Variants in ABCA4 observed in about 807,000 individuals in gnomAD.
ABCA4 encodes ATP binding cassette subfamily A member 4, also known as retinal-specific phospholipid-transporting ATPase ABCA4.
In ABCA4, 196 loss-of-function variants were observed where a neutral mutation model predicts 263.7. The observed-to-expected ratio is 0.74, with a 90% confidence interval of 0.66 to 0.84. The LOEUF is 0.84. Among genes scored for constraint, ABCA4 ranks in the 40% least tolerant of loss-of-function variants. The pLI, the probability that ABCA4 is intolerant of heterozygous loss-of-function variation, is 0.00. For missense variants in ABCA4, 2,792 were observed against 2,855.1 expected (o/e 0.98, Z 0.50); for synonymous variants, 1,133 against 1,094.2 (o/e 1.04, Z -0.70).
rs761988699 is a variant in ABCA4, at chr1:94,015,732, G to A, written c.5312+7C>T. The A allele has an allele frequency of 7.5e-6, 12 of 1,604,818 alleles. No homozygotes were observed. The highest frequency in any genetic ancestry group is 2.2e-5 in the South Asian group (2 of 90,618). The stretch of plus-strand genomic sequence containing the variant: ...AGAGGCATTAGCTAATGGCCCAAAC[G>A]GCTTACCCATACAGCAGGAGCAGTG... On this transcript the variant is annotated splice_region_variant and intron_variant, in intron 37 of 49. Coordinates refer to ENST00000370225, the MANE Select transcript of ABCA4 (RefSeq NM_000350.3).
chr1:94,001,780 G>T lies in ABCA4; in HGVS notation c.6282+78C>A. ...AACTGCTGCAGTTTCTAAATCTGCC[G>T]ACCCAGAACCTATTTCCCCAACCCA... is the stretch of plus-strand genomic sequence containing the variant. On this transcript the variant is annotated intron_variant, in intron 45 of 49. Coordinates refer to ENST00000370225, the MANE Select transcript of ABCA4 (RefSeq NM_000350.3). The T allele has an allele frequency of 1.9e-6, 3 of 1,606,358 alleles. No individual in the cohort carries two copies. In the South Asian group the frequency reaches 3.3e-5, roughly 18 times the overall value.
chr1:94,051,977 TAAATC>T (rs1459484854), intron 16 of ABCA4, among the ~76,000 whole-genome samples: 1 of 152,198 alleles, frequency 6.6e-6, no homozygotes, highest in Non-Finnish European at 1.5e-5. Flanking sequence ...ATGAGAGAAT[TAAATC>T]AAGTCCTTTT....
In ABCA4 at chr1:94,027,444, C is replaced by T. The variant is rs1457937638; in HGVS notation, c.4539+2001G>A. ...TTTTGAGTGGAGGCAGCCACAGGAGCCCTCAGCATTGACAGCAAAGCAAAC... is the reference window on the plus strand; with the variant it reads ...TTTTGAGTGGAGGCAGCCACAGGAGTCCTCAGCATTGACAGCAAAGCAAAC... On this transcript the variant is annotated intron_variant, in intron 30 of 49. Transcript: ENST00000370225. Among the ~76,000 whole-genome samples the T allele has an allele frequency of 2.0e-5, 3 of 152,140 alleles. No individual in the cohort carries two copies. The highest frequency in any genetic ancestry group is 4.4e-5 in the Non-Finnish European group (3 of 68,020).
chr1:94,073,970 G>C (rs903992443), intron 11 of ABCA4, among the ~76,000 whole-genome samples: 1 of 152,168 alleles, frequency 6.6e-6, no homozygotes, highest in Admixed American at 6.5e-5. Context: ...TGGTGGGCCT[G>C]GCTGGGAATA....
intron 49 of ABCA4, among the ~76,000 whole-genome samples, chr1:93,995,598 A>G (rs1211590438): frequency 1.3e-5 from 2 of 152,214 alleles, no homozygotes; most frequent in African/African-American, 2.4e-5. Flanking sequence ...TGTAATTTTT[A>G]TAAAGAACAA....
Position 94,011,386 on chromosome 1 carries a change from C to A in ABCA4, c.5461-1G>T, listed in dbSNP as rs2101008577. The A allele has an allele frequency of 1.2e-6, 2 of 1,613,906 alleles. No individual in the cohort carries two copies. The highest frequency in any genetic ancestry group is 1.7e-5 in the Admixed American group (1 of 60,022). ...GCACGGCGTTGAACCTGAGCAGCGT[C>A]TGAAACAGAGAAGTAGGACTGTTGG... On this transcript the variant is annotated splice_acceptor_variant, in intron 38 of 49. Coordinates refer to ENST00000370225, the MANE Select transcript of ABCA4 (RefSeq NM_000350.3). LOFTEE classifies it high-confidence loss of function.
chr1:94,005,588 A>T lies in ABCA4; in HGVS notation c.6006-6T>A, dbSNP rs1351939336. On this transcript the variant is annotated splice_polypyrimidine_tract_variant and splice_region_variant and intron_variant, in intron 43 of 49. Transcript: ENST00000370225. The stretch of plus-strand genomic sequence containing the variant: ...CAGAAATATTGGTTAAAATACTGCA[A>T]GAAAAAAAGCAATTACTGAGTATCC... 6.2e-7 allele frequency: 1 copy of T among 1,613,904 alleles called. No homozygotes were observed. The highest frequency in any genetic ancestry group is 8.5e-7 in the Non-Finnish European group (1 of 1,179,786).
chr1:94,060,395 C>T (rs922263404), intron 14 of ABCA4, 142 bp downstream of exon 14: 25 of 780,076 alleles, frequency 3.2e-5, no homozygotes, highest in African/African-American at 1.7e-4. Flanking sequence ...GTGTCTCCCA[C>T]GTTGGCTAAA....
chr1:94,094,162 G>A (rs1662054311), intron 6 of ABCA4, among the ~76,000 whole-genome samples: 1 of 152,148 alleles, frequency 6.6e-6, no homozygotes. Flanking sequence ...ACTTGACGTA[G>A]CAATATCCAC....
intron 6 of ABCA4, among the ~76,000 whole-genome samples, chr1:94,088,568 C>A (rs947304670): frequency 6.6e-6 from 1 of 152,218 alleles, no homozygotes; most frequent in Non-Finnish European, 1.5e-5. Flanking sequence ...ACTTCTGTGC[C>A]TGTGTGCCCT....
chr1:94,116,986 CTTTCTTTCTTTCTTTCTTTCT>C (rs1421006357), intron 1 of ABCA4, among the ~76,000 whole-genome samples: 1 of 110,886 alleles, frequency 9.0e-6, no homozygotes, highest in African/African-American at 3.4e-5. Flanking sequence ...TTCTTTCTTT[CTTTCTTTCTTTCTTTCTTTCT>C]TTCTTTCTTT....
intron 4 of ABCA4, among the ~76,000 whole-genome samples, chr1:94,103,897 G>T (rs1662350855): frequency 6.6e-6 from 1 of 152,114 alleles, no homozygotes; most frequent in Non-Finnish European, 1.5e-5. Flanking sequence ...CAACACCTGT[G>T]GGAAGCAGGG....
intron 7 of ABCA4, among the ~76,000 whole-genome samples, chr1:94,082,533 C>T (rs924339339): frequency 7.1e-6 from 1 of 141,482 alleles, no homozygotes; most frequent in Non-Finnish European, 1.6e-5. Flanking sequence ...TCTTCTCTAA[C>T]TTTCCCACAT....
chr1:94,019,545 C>T lies in ABCA4; in HGVS notation c.5196+37G>A, dbSNP rs1159376573. ...GCACACACAAGCTCCACCTTGGGCC[C>T]ACGGAGGGGAGGGAGGCGCTGTAAA... On this transcript the variant is annotated intron_variant, in intron 36 of 49. Transcript: ENST00000370225. 2.6e-6 allele frequency: 4 copies of T among 1,564,814 alleles called. No homozygotes were observed. The South Asian group carries it at 4.7e-5, about 18-fold the overall frequency.
intron 11 of ABCA4, 79 bp downstream of exon 11, chr1:94,077,611 C>G: frequency 7.3e-7 from 1 of 1,371,380 alleles, no homozygotes; most frequent in African/African-American, 1.5e-5. Flanking sequence ...TTCAAGACCA[C>G]TTGACTTGCT....
chr1:94,031,254 C>G (rs1660194143), intron 27 of ABCA4, 134 bp from the exon 28 acceptor site: 1 of 1,233,748 alleles, frequency 8.1e-7, no homozygotes, highest in Non-Finnish European at 1.2e-6. Flanking sequence ...GAGGGTTGGG[C>G]TTCTGGGGGA....
chr1:94,077,743 C>T lies in ABCA4; in HGVS notation c.1501G>A (p.Asp501Asn), dbSNP rs774145384. The T allele has an allele frequency of 6.2e-7, 1 of 1,614,044 alleles. No individual in the cohort carries two copies. Among genetic ancestry groups the T allele is most frequent in the African/African-American group, 1.3e-5 (1 of 74,930 alleles). Residue 501 changes from aspartate to asparagine, a missense_variant, in exon 11 of 50, where the codon GAC becomes AAC. By Grantham distance (23) the Asp-to-Asn change is conservative. Transcript: ENST00000370225. ...ADDMANFDWR[D>N]IFNITDRTLR... Reference sequence around the variant, plus strand: ...GTGCGATCAGTGATGTTAAATATGTCCCTCCAGTCGAAGTTGGCCATGTCG... The same window carrying T: ...GTGCGATCAGTGATGTTAAATATGTTCCTCCAGTCGAAGTTGGCCATGTCG...
chr1:94,015,809 C>A lies in ABCA4; in HGVS notation c.5242G>T (p.Gly1748Trp), dbSNP rs61753025. The A allele has an allele frequency of 6.2e-7, 1 of 1,613,960 alleles. No individual in the cohort carries two copies. The highest frequency in any genetic ancestry group is 8.5e-7 in the Non-Finnish European group (1 of 1,179,994). Residue 1748 changes from glycine to tryptophan, a missense_variant, in exon 37 of 50, where the codon GGG becomes TGG. By Grantham distance (184) the Gly-to-Trp change is radical. Transcript: ENST00000370225. ...SAGLVVGIFIGFQKKAYTSPE... is the reference protein window; with the variant it reads ...SAGLVVGIFIWFQKKAYTSPE... ...GAAGTGTAGGCTTTCTTCTGAAACCCGATGAAGATGCCCACCACCAGCCCA... is the reference window on the plus strand; with the variant it reads ...GAAGTGTAGGCTTTCTTCTGAAACCAGATGAAGATGCCCACCACCAGCCCA...
Position 93,993,058 on chromosome 1 carries a change from G to T in ABCA4, c.*179C>A. On this transcript the variant is annotated 3_prime_UTR_variant, in exon 50 of 50. Coordinates refer to ENST00000370225, the MANE Select transcript of ABCA4 (RefSeq NM_000350.3). ...TGTTCCAGGTGAGCAAGTCAGTTTCGGTTTCCTTCTGAAAGACCTCTTTCT... is the reference window on the plus strand; with the variant it reads ...TGTTCCAGGTGAGCAAGTCAGTTTCTGTTTCCTTCTGAAAGACCTCTTTCT... 2.7e-6 allele frequency: 2 copies of T among 744,198 alleles called. No individual in the cohort carries two copies. Among genetic ancestry groups the T allele is most frequent in the Non-Finnish European group, 4.4e-6 (2 of 452,756 alleles). The allele number at this position is 744,198 out of a possible 1,614,324, so 46.1% of individuals were successfully genotyped here.
Sources: gnomAD v4.1 joint callset for allele counts (sites outside exome capture counted in the v4.1 genomes callset) on GRCh38, gnomAD v4.1.1 for gene constraint, MANE v1.5 for transcripts, NCBI Gene and HGNC (gene_info 2026-07-23, HGNC 2026-07-21) for gene names.